PARM1: variants seen among roughly 807,000 people sequenced by gnomAD.
PARM1 encodes prostate androgen-regulated mucin-like protein 1, also known as WSC4, cell wall integrity and stress response component 4 homolog.
A neutral mutation model predicts 24.6 loss-of-function variants in PARM1; 14 were observed. The ratio of observed to expected loss-of-function variants is 0.57; its 90% CI spans 0.38 to 0.89. The LOEUF is 0.89. PARM1 is among the 40% of genes least tolerant of loss of function. PARM1 has a pLI of 0.00. For synonymous variants in PARM1, 179 were observed against 156.6 expected, an observed-to-expected ratio of 1.14 and a Z score of -1.07; for missense variants, 362 against 380.4, an observed-to-expected ratio of 0.95 and a Z score of 0.40.
intron 1 of PARM1, 122 bp from the exon 2 acceptor site, chr4:75,012,303 A>G (rs1297119830): frequency 9.3e-7 from 1 of 1,073,020 alleles, no homozygotes; most frequent in Non-Finnish European, 1.3e-6. Context: ...GGGAGGGCAC[A>G]ATGCAAAATG....
chr4:74,948,079 TGC>T lies in PARM1; in HGVS notation c.43+14710_43+14711del, dbSNP rs1721442644. Among the ~76,000 whole-genome samples the T allele has an allele frequency of 2.0e-5, 3 of 152,220 alleles. No individual in the cohort carries two copies. In the South Asian group the frequency reaches 6.2e-4, roughly 32 times the overall value. Reference sequence around the variant, plus strand: ...TAGAATGCCACACTCCTCCATTCTCTGCCAACCAAAAGTCTCTTCATTTTGCA... The same window carrying T: ...TAGAATGCCACACTCCTCCATTCTCTCAACCAAAAGTCTCTTCATTTTGCA... On this transcript the variant is annotated intron_variant, in intron 1 of 3. Coordinates refer to ENST00000307428, the MANE Select transcript of PARM1 (RefSeq NM_015393.4).
chr4:75,034,180 A>G (rs1027886855), intron 3 of PARM1, among the ~76,000 whole-genome samples: 3 of 152,198 alleles, frequency 2.0e-5, no homozygotes, highest in Non-Finnish European at 4.4e-5. Flanking sequence ...GCTGAGATAT[A>G]CAGCATGATG....
chr4:74,999,839 C>T (rs1722643538), intron 1 of PARM1, among the ~76,000 whole-genome samples: 1 of 152,168 alleles, frequency 6.6e-6, no homozygotes, highest in African/African-American at 2.4e-5. Flanking sequence ...TCTTCAGCCT[C>T]CGGGAGCCAT....
intron 1 of PARM1, among the ~76,000 whole-genome samples, chr4:74,935,273 AC>A (rs1461068903): frequency 2.0e-5 from 3 of 152,204 alleles, no homozygotes; most frequent in Non-Finnish European, 4.4e-5. Flanking sequence ...AAGCTAATGG[AC>A]ACTGCATTCC....
chr4:75,029,084 A>T (rs1443766938), intron 2 of PARM1, among the ~76,000 whole-genome samples: 1 of 152,146 alleles, frequency 6.6e-6, no homozygotes, highest in Non-Finnish European at 1.5e-5. Flanking sequence ...AAAGGGGCCC[A>T]TCTGTGTGGC....
intron 3 of PARM1, among the ~76,000 whole-genome samples, chr4:75,040,617 A>T (rs1407322745): frequency 1.3e-5 from 2 of 152,220 alleles, no homozygotes; most frequent in African/African-American, 4.8e-5. Flanking sequence ...CTTAGCCCCA[A>T]AATTGTGGTT....
At chr4:74,969,223 T>C (rs1339521580) in intron 1 of PARM1, among the ~76,000 whole-genome samples, 2 of 152,196 alleles carry the variant, frequency 1.3e-5, no homozygotes, top group African/African-American at 4.8e-5. Context: ...GCCAAGCTCA[T>C]GGGTCCCTTG....
chr4:75,026,648 G>T (rs1246556062), intron 2 of PARM1, among the ~76,000 whole-genome samples: 2 of 152,076 alleles, frequency 1.3e-5, no homozygotes, highest in African/African-American at 4.8e-5. Flanking sequence ...GGCTTTCAGA[G>T]TTTTTTTGAT....
intron 1 of PARM1, among the ~76,000 whole-genome samples, chr4:74,961,837 A>G (rs1721781129): frequency 1.3e-5 from 2 of 152,200 alleles, no homozygotes. Context: ...TTTGGTTGAA[A>G]TGAAAGAACA....
chr4:75,017,463 A>C (rs1457153250), intron 2 of PARM1, among the ~76,000 whole-genome samples: 1 of 152,072 alleles, frequency 6.6e-6, no homozygotes, highest in East Asian at 1.9e-4. Context: ...CTCCCTCCAG[A>C]TCTTCAATGG....
chr4:74,973,726 C>T (rs1392021278), intron 1 of PARM1, among the ~76,000 whole-genome samples: 1 of 152,116 alleles, frequency 6.6e-6, no homozygotes, highest in Non-Finnish European at 1.5e-5. Context: ...TCTGCAGATT[C>T]TGGCTGTCTC....
chr4:75,035,668 T>A (rs1411629889), intron 3 of PARM1, among the ~76,000 whole-genome samples: 1 of 152,136 alleles, frequency 6.6e-6, no homozygotes, highest in Non-Finnish European at 1.5e-5. Flanking sequence ...CATCTTGTGT[T>A]CTAAATGTGC....
Position 74,933,223 on chromosome 4 carries a change from C to T in PARM1, c.-105C>T, listed in dbSNP as rs1419994179. The T allele has an allele frequency of 1.0e-6, 1 of 986,776 alleles. No individual in the cohort carries two copies. The highest frequency in any genetic ancestry group is 2.0e-5 in the Admixed American group (1 of 50,428). 61.1% of individuals were successfully genotyped at this position (986,776 alleles called of 1,614,324 possible). On this transcript the variant is annotated 5_prime_UTR_variant, in exon 1 of 4. Transcript: ENST00000307428. ...GCTGTTCGCGCCTCCCGGCTCCCAC[C>T]GCAGCCCACCCGGCAGAGGAGTCGC...
chr4:74,955,263 A>G (rs1209409214), intron 1 of PARM1, among the ~76,000 whole-genome samples: 1 of 151,988 alleles, frequency 6.6e-6, no homozygotes, highest in African/African-American at 2.4e-5. Context: ...AGCTATATTT[A>G]GCAGTTGTGG....
At chr4:74,992,559 A>T (rs1196008131) in intron 1 of PARM1, among the ~76,000 whole-genome samples, 1 of 152,160 alleles carries the variant, frequency 6.6e-6, no homozygotes, top group Non-Finnish European at 1.5e-5. Flanking sequence ...GAAATTTTTT[A>T]AGGCCAATGG....
chr4:74,967,289 T>G (rs1458890911), intron 1 of PARM1: 1 of 152,220 alleles, frequency 6.6e-6, no homozygotes. Context: ...TATTTTGTCA[T>G]TTGGGTAATT....
intron 3 of PARM1, among the ~76,000 whole-genome samples, chr4:75,044,675 CTTAAA>C (rs1723563483): frequency 6.6e-6 from 1 of 152,076 alleles, no homozygotes. Context: ...GGGTTGAAAA[CTTAAA>C]TTGAATTGTG....
Position 75,046,911 on chromosome 4 carries a change from A to G in PARM1, c.*664A>G, listed in dbSNP as rs372408934. On this transcript the variant is annotated 3_prime_UTR_variant, in exon 4 of 4. Coordinates refer to ENST00000307428, the MANE Select transcript of PARM1 (RefSeq NM_015393.4). ...TGCTGTGGGATCTCAGTGTGCCCCT[A>G]CCTGTTCTCCCCTCCAGGCCACCTG... 6.2e-4 allele frequency: 95 copies of G among 152,502 alleles called. No individual in the cohort carries two copies. The highest frequency in any genetic ancestry group is 2.2e-3 in the African/African-American group (91 of 41,538). 9.4% of individuals were successfully genotyped at this position (152,502 alleles called of 1,614,324 possible).
intron 1 of PARM1, among the ~76,000 whole-genome samples, chr4:74,983,166 C>A (rs1402521258): frequency 2.6e-5 from 4 of 152,136 alleles, no homozygotes; most frequent in African/African-American, 9.7e-5. Context: ...ATTCATCTGA[C>A]CCACCCCTCA....
Sources: gnomAD v4.1 joint callset for allele counts (sites outside exome capture counted in the v4.1 genomes callset) on GRCh38, gnomAD v4.1.1 for gene constraint, MANE v1.5 for transcripts, NCBI Gene and HGNC (gene_info 2026-07-23, HGNC 2026-07-21) for gene names.